Variants in SLC8A1 observed in about 807,000 individuals in gnomAD.
The protein encoded by SLC8A1 is sodium/calcium exchanger 1.
SLC8A1 carries 18 observed loss-of-function variants against 68.3 expected under a neutral mutation model. The observed-to-expected ratio is 0.26, with a 90% CI of 0.18 to 0.39. The LOEUF (loss-of-function observed/expected upper bound fraction) is 0.39, where lower values mean the gene tolerates loss of function less well. Among genes scored for constraint, SLC8A1 ranks in the 10% least tolerant of loss-of-function variants. SLC8A1 has a pLI of 1.00. For missense variants in SLC8A1, 985 were observed against 1,156.7 expected, an observed-to-expected ratio of 0.85 and a Z score of 2.15; for synonymous variants, 475 against 415.5, an observed-to-expected ratio of 1.14 and a Z score of -1.74.
intron 5 of SLC8A1, among the ~76,000 whole-genome samples, chr2:40,162,031 T>A (rs1326022181): frequency 6.6e-6 from 1 of 152,202 alleles, no homozygotes; most frequent in African/African-American, 2.4e-5. Context: ...GAAGAGTCAT[T>A]GGAACAGACT....
intron 2 of SLC8A1, among the ~76,000 whole-genome samples, chr2:40,421,344 G>A (rs1351913875): frequency 6.6e-6 from 1 of 152,154 alleles, no homozygotes; most frequent in East Asian, 1.9e-4. Context: ...AGGGGACAGA[G>A]AGCTCAAATT....
At chr2:40,308,058 T>C (rs2072998204) in intron 2 of SLC8A1, among the ~76,000 whole-genome samples, 1 of 152,132 alleles carries the variant, frequency 6.6e-6, no homozygotes, top group South Asian at 2.1e-4. Flanking sequence ...AAACAAACAC[T>C]TTTCAAGCAA....
chr2:40,259,684 T>C (rs1489937137), intron 2 of SLC8A1, among the ~76,000 whole-genome samples: 1 of 152,156 alleles, frequency 6.6e-6, no homozygotes, highest in African/African-American at 2.4e-5. Flanking sequence ...TAGAAGCCTC[T>C]TTTCTTAGGG....
At chr2:40,404,123 T>C (rs77827558) in intron 2 of SLC8A1, among the ~76,000 whole-genome samples, 1 of 152,156 alleles carries the variant, frequency 6.6e-6, no homozygotes, top group Non-Finnish European at 1.5e-5. Context: ...TTTGAGATTC[T>C]GGGCTCAAGT....
chr2:40,411,880 T>A (rs1211849818), intron 2 of SLC8A1, among the ~76,000 whole-genome samples: 1 of 152,116 alleles, frequency 6.6e-6, no homozygotes, highest in Non-Finnish European at 1.5e-5. Context: ...TATACAGACA[T>A]CTAAGTTATT....
chr2:40,489,059 G>A (rs1052443552), intron 1 of SLC8A1, among the ~76,000 whole-genome samples: 2 of 151,992 alleles, frequency 1.3e-5, no homozygotes, highest in African/African-American at 2.4e-5. Context: ...ATTCTGTGTC[G>A]GGAACAGCAT....
chr2:40,304,191 C>T (rs1448789372), intron 2 of SLC8A1, among the ~76,000 whole-genome samples: 2 of 152,186 alleles, frequency 1.3e-5, no homozygotes, highest in East Asian at 3.9e-4. Flanking sequence ...CCTGGAAAAT[C>T]TGACAAATGC....
intron 2 of SLC8A1, among the ~76,000 whole-genome samples, chr2:40,282,049 C>G (rs545388757): frequency 6.6e-6 from 1 of 152,156 alleles, no homozygotes; most frequent in Non-Finnish European, 1.5e-5. Flanking sequence ...CACACAAGAG[C>G]GTACCTTTAA....
chr2:40,216,996 A>C (rs187406352), intron 2 of SLC8A1, among the ~76,000 whole-genome samples: 1 of 152,180 alleles, frequency 6.6e-6, no homozygotes, highest in African/African-American at 2.4e-5. Context: ...GAAGCTTTTT[A>C]GTTTAATTGG....
chr2:40,362,979 TTCC>T (rs1227329270), intron 2 of SLC8A1, among the ~76,000 whole-genome samples: 1 of 152,110 alleles, frequency 6.6e-6, no homozygotes, highest in Non-Finnish European at 1.5e-5. Flanking sequence ...GTCCTTTCTG[TTCC>T]TCCTCAGTCC....
chr2:40,256,461 A>AAGAC (rs1261084308), intron 2 of SLC8A1, among the ~76,000 whole-genome samples: 15 of 152,242 alleles, frequency 9.9e-5, no homozygotes, highest in African/African-American at 2.2e-4. Context: ...AGGCATGTAA[A>AAGAC]AGACAGACAG....
chr2:40,229,400 A>T (rs77920283), intron 2 of SLC8A1, among the ~76,000 whole-genome samples: 2,580 of 151,296 alleles, frequency 0.017, 73 homozygotes, highest in African/African-American at 0.058. Flanking sequence ...TTAATTAAAC[A>T]GAGAAAACAC....
intron 2 of SLC8A1, among the ~76,000 whole-genome samples, chr2:40,371,830 T>C (rs1194275471): frequency 6.6e-6 from 1 of 152,108 alleles, no homozygotes; most frequent in Non-Finnish European, 1.5e-5. Flanking sequence ...TCACTGATTC[T>C]TGTTGCTGTG....
intron 2 of SLC8A1, among the ~76,000 whole-genome samples, chr2:40,317,097 C>T (rs1160071474): frequency 6.6e-6 from 1 of 152,000 alleles, no homozygotes; most frequent in African/African-American, 2.4e-5. Context: ...AAATACATCT[C>T]CTAGAATTAA....
At chr2:40,421,482 G>C (rs971141082) in intron 2 of SLC8A1, among the ~76,000 whole-genome samples, 1 of 152,130 alleles carries the variant, frequency 6.6e-6, no homozygotes, top group Non-Finnish European at 1.5e-5. Flanking sequence ...TATCTCATAT[G>C]TAAGCATAGA....
chr2:40,239,088 A>G (rs1217220546), intron 2 of SLC8A1, among the ~76,000 whole-genome samples: 1 of 152,114 alleles, frequency 6.6e-6, no homozygotes, highest in East Asian at 1.9e-4. Flanking sequence ...CTTCTAAATT[A>G]TTTAGTAAAG....
chr2:40,474,615 C>A (rs562331595), intron 1 of SLC8A1, among the ~76,000 whole-genome samples: 1 of 152,286 alleles, frequency 6.6e-6, no homozygotes, highest in Admixed American at 6.5e-5. Flanking sequence ...CAGTTACTAA[C>A]AAATATTAAT....
chr2:40,271,233 C>G (rs1230239958), intron 2 of SLC8A1, among the ~76,000 whole-genome samples: 2 of 151,854 alleles, frequency 1.3e-5, no homozygotes, highest in Non-Finnish European at 2.9e-5. Flanking sequence ...CTCACGTCCC[C>G]TCCCACTCCT....
intron 2 of SLC8A1, among the ~76,000 whole-genome samples, chr2:40,372,734 G>A (rs944037560): frequency 3.3e-5 from 5 of 152,168 alleles, no homozygotes; most frequent in African/African-American, 7.2e-5. Context: ...GGGTTCTAGG[G>A]AATCTTGCAG....
Sources: gnomAD v4.1 joint callset for allele counts (sites outside exome capture counted in the v4.1 genomes callset) on GRCh38, gnomAD v4.1.1 for gene constraint, MANE v1.5 for transcripts, NCBI Gene and HGNC (gene_info 2026-07-23, HGNC 2026-07-21) for gene names.